AKNAD1: variants seen among roughly 807,000 people sequenced by gnomAD.
The protein encoded by AKNAD1 is protein AKNAD1.
Under a neutral mutation model 90.8 loss-of-function variants are expected in AKNAD1, and 67 were observed. The observed-to-expected ratio is 0.74, with a 90% confidence interval of 0.61 to 0.90. The LOEUF (loss-of-function observed/expected upper bound fraction) is 0.90, where lower values mean the gene tolerates loss of function less well. AKNAD1 is among the 40% of genes least tolerant of loss of function. The probability of loss-of-function intolerance (pLI) is 0.00; values close to 1 mark genes in which losing one functional copy is unlikely to be tolerated. For missense variants in AKNAD1, 957 were observed against 975.4 expected, an observed-to-expected ratio of 0.98 and a Z score of 0.25; for synonymous variants, 327 against 341.4, an observed-to-expected ratio of 0.96 and a Z score of 0.46.
chr1:108,835,712 C>T (rs1664360519), intron 7 of AKNAD1, among the ~76,000 whole-genome samples: 2 of 151,798 alleles, frequency 1.3e-5, no homozygotes, highest in Non-Finnish European at 2.9e-5. Flanking sequence ...GCAACCTCTG[C>T]CTCCCGGGTT....
At chr1:108,848,671 A>T (rs1664771357) in intron 5 of AKNAD1, 81 bp downstream of exon 5, 2 of 1,281,490 alleles carry the variant, frequency 1.6e-6, no homozygotes, top group Admixed American at 4.2e-5. Flanking sequence ...TGTAGAGAAA[A>T]CATGGCACTA....
rs536162044 is a variant in AKNAD1 at position 108,848,831 on chromosome 1, A to T, written c.1183-17T>A. 6.2e-7 allele frequency: 1 copy of T among 1,609,764 alleles called. No homozygotes were observed. Among genetic ancestry groups the T allele is most frequent in the East Asian group, 2.2e-5 (1 of 44,812 alleles). On this transcript the variant is annotated splice_polypyrimidine_tract_variant and intron_variant, in intron 4 of 15. Transcript: ENST00000370001. ...TTCTTGTACCTGCAGTGAAAAAATT[A>T]CAATCTCTCATTAATGGCATGGTTT...
chr1:108,848,718 A>G, intron 5 of AKNAD1, 34 bp downstream of exon 5: 3 of 1,569,190 alleles, frequency 1.9e-6, no homozygotes, highest in Non-Finnish European at 2.6e-6. Flanking sequence ...ATATTCTCTA[A>G]TCAAGATTTT....
chr1:108,838,766 C>T (rs1381710474), intron 6 of AKNAD1, among the ~76,000 whole-genome samples: 1 of 151,872 alleles, frequency 6.6e-6, no homozygotes, highest in Non-Finnish European at 1.5e-5. Flanking sequence ...ATTGAAAAAT[C>T]CATATCAACA....
At chr1:108,818,187 T>A (rs1767036) in intron 14 of AKNAD1, among the ~76,000 whole-genome samples, 75,963 of 152,040 alleles carry the variant, frequency 0.5, 19,385 homozygotes, top group East Asian at 0.77. Context: ...GCCTGTTGAC[T>A]GAGCAGTCAT....
At position 108,851,769 on chromosome 1, in the gene AKNAD1, A is replaced by C; in HGVS notation, c.896T>G (p.Val299Gly). The change falls in exon 2 of 16, where the codon GTG (valine) becomes GGG (glycine). Residue 299 changes from valine to glycine, a missense_variant. Coordinates refer to ENST00000370001, the MANE Select transcript of AKNAD1 (RefSeq NM_152763.5). ...AGGCGTGGTTTCTAGACTATCTTGC[A>C]CAAGAGTGGGTTTATCTCTCGACTT... ...SSKSRDKPTLVQDSLETTPES... is the reference protein window; with the variant it reads ...SSKSRDKPTLGQDSLETTPES... The C allele has an allele frequency of 6.2e-7, 1 of 1,614,128 alleles. No individual in the cohort carries two copies. The highest frequency in any genetic ancestry group is 8.5e-7 in the Non-Finnish European group (1 of 1,180,008).
chr1:108,819,161 C>T (rs958262139), intron 14 of AKNAD1, among the ~76,000 whole-genome samples: 1 of 152,114 alleles, frequency 6.6e-6, no homozygotes, highest in African/African-American at 2.4e-5. Flanking sequence ...TTTCCATCTC[C>T]ACCACCCTTG....
In AKNAD1 at chr1:108,848,799, T is replaced by C. The variant is rs1664774427; in HGVS notation, c.1198A>G (p.Lys400Glu). 2 of 1,610,674 alleles carry C rather than the reference T, an allele frequency of 1.2e-6. No individual in the cohort carries two copies. Among genetic ancestry groups the C allele is most frequent in the African/African-American group, 1.3e-5 (1 of 74,752 alleles). The change falls in exon 5 of 16, where the codon AAA becomes GAA. Residue 400 changes from lysine (K) to glutamate (E), a missense_variant. Transcript: ENST00000370001. ...TAAGGAGAGTCCTGTTTTATTCTTTTGGAAAATTCTTGTACCTGCAGTGAA... is the reference window on the plus strand; with the variant it reads ...TAAGGAGAGTCCTGTTTTATTCTTTCGGAAAATTCTTGTACCTGCAGTGAA... ...QLKTKVQEFS[K>E]RIKQDSPYHL...
intron 10 of AKNAD1, 56 bp from the exon 11 acceptor site, chr1:108,827,358 G>C: frequency 7.6e-7 from 1 of 1,314,984 alleles, no homozygotes; most frequent in Non-Finnish European, 1.1e-6. Context: ...AATAGATAGG[G>C]AAAGTTTTGG....
At chr1:108,856,540 GAAA>G (rs71069609) in intron 1 of AKNAD1, among the ~76,000 whole-genome samples, 1 of 149,080 alleles carries the variant, frequency 6.7e-6, no homozygotes, top group Non-Finnish European at 1.5e-5. Flanking sequence ...TCTCTACAAA[GAAA>G]AAAAAAATTA....
chr1:108,841,818 C>T (rs1226715905), intron 6 of AKNAD1, among the ~76,000 whole-genome samples: 2 of 152,002 alleles, frequency 1.3e-5, no homozygotes, highest in Admixed American at 6.6e-5. Flanking sequence ...TGACTTCAGC[C>T]GAGATTTGGG....
chr1:108,822,091 G>A (rs766237890), intron 13 of AKNAD1, among the ~76,000 whole-genome samples: 3 of 152,030 alleles, frequency 2.0e-5, no homozygotes, highest in African/African-American at 4.8e-5. Context: ...TGATTCTTTG[G>A]TGGTCTCCAA....
upstream of AKNAD1, among the ~76,000 whole-genome samples, chr1:108,857,679 G>C (rs1351390107): frequency 6.6e-6 from 1 of 152,152 alleles, no homozygotes; most frequent in Non-Finnish European, 1.5e-5. Context: ...CAGGCAAACT[G>C]GGGACTATGT....
At chr1:108,830,324 G>T (rs956645515) in intron 10 of AKNAD1, among the ~76,000 whole-genome samples, 1 of 152,182 alleles carries the variant, frequency 6.6e-6, no homozygotes. Context: ...TGGGATGGAG[G>T]CATGTGCATG....
intron 14 of AKNAD1, among the ~76,000 whole-genome samples, chr1:108,817,698 G>C (rs1200229529): frequency 6.6e-6 from 1 of 151,018 alleles, no homozygotes; most frequent in Middle Eastern, 3.2e-3. Context: ...GTAGAGATGG[G>C]GTTTCACCGT....
chr1:108,841,705 C>G (rs1664558217), intron 6 of AKNAD1, among the ~76,000 whole-genome samples: 1 of 152,138 alleles, frequency 6.6e-6, no homozygotes. Flanking sequence ...CTCGACATAT[C>G]AAGAACCCAA....
intron 7 of AKNAD1, among the ~76,000 whole-genome samples, chr1:108,836,446 G>GC (rs922588518): frequency 1.1e-4 from 17 of 151,846 alleles, no homozygotes; most frequent in African/African-American, 4.1e-4. Flanking sequence ...GGACACAGAG[G>GC]CCGGGGCCAA....
Position 108,851,903 on chromosome 1 carries a change from A to G in AKNAD1, c.762T>C (p.Val254=). 6.2e-7 allele frequency: 1 copy of G among 1,614,222 alleles called. No homozygotes were observed. Among genetic ancestry groups the G allele is most frequent in the Non-Finnish European group, 8.5e-7 (1 of 1,180,042 alleles). The change falls in exon 2 of 16, where the codon GTT becomes GTC. Residue 254 remains valine (V), a synonymous_variant. Coordinates refer to ENST00000370001, the MANE Select transcript of AKNAD1 (RefSeq NM_152763.5). The stretch of plus-strand genomic sequence containing the variant: ...TAGAGAAATCAGGGAGCTGGTAATG[A>G]ACTTGACCTTGGCCGTATTTGAACG... The part of the protein sequence containing the change: ...GNTFKYGQGQ[V]HYQLPDFSKI...
At chr1:108,828,295 C>A (rs571007812) in intron 10 of AKNAD1, among the ~76,000 whole-genome samples, 1 of 151,612 alleles carries the variant, frequency 6.6e-6, no homozygotes, top group African/African-American at 2.4e-5. Context: ...ACATGGCCAC[C>A]AGGTGGCGTC....
Sources: gnomAD v4.1 joint callset for allele counts (sites outside exome capture counted in the v4.1 genomes callset) on GRCh38, gnomAD v4.1.1 for gene constraint, MANE v1.5 for transcripts, NCBI Gene and HGNC (gene_info 2026-07-23, HGNC 2026-07-21) for gene names.